The following THSD4 variants were observed in gnomAD, a reference collection of about 807,000 sequenced individuals.
The protein encoded by THSD4 is thrombospondin type-1 domain-containing protein 4.
THSD4 carries 69 observed loss-of-function variants against 119.0 expected under a neutral mutation model. The observed-to-expected ratio is 0.58, with a 90% confidence interval of 0.48 to 0.71. The LOEUF (loss-of-function observed/expected upper bound fraction) is 0.71, where lower values mean the gene tolerates loss of function less well. Ranked by LOEUF, THSD4 falls within the 30% of genes least tolerant of loss-of-function variation. The pLI is 0.00. For synonymous variants in THSD4, 524 were observed against 540.4 expected, an observed-to-expected ratio of 0.97 and a Z score of 0.42; for missense variants, 1,393 against 1,391.1, an observed-to-expected ratio of 1.00 and a Z score of -0.02.
At chr15:71,361,825 C>T (rs2045895117) in intron 6 of THSD4, among the ~76,000 whole-genome samples, 1 of 152,164 alleles carries the variant, frequency 6.6e-6, no homozygotes, top group Admixed American at 6.5e-5. Flanking sequence ...GAAAATGAGA[C>T]TTTGTGTATG....
At chr15:71,316,448 G>A (rs1364057566) in intron 6 of THSD4, among the ~76,000 whole-genome samples, 1 of 152,156 alleles carries the variant, frequency 6.6e-6, no homozygotes, top group East Asian at 1.9e-4. Flanking sequence ...ATGGTGACTG[G>A]CCCACTTTTG....
intron 7 of THSD4, among the ~76,000 whole-genome samples, chr15:71,566,028 G>A (rs192850650): frequency 1.3e-3 from 204 of 152,212 alleles, no homozygotes; most frequent in African/African-American, 4.7e-3. Context: ...CTGGCCCAAC[G>A]CTCCCTGATT....
At chr15:71,197,874 G>T (rs1788852531) in intron 3 of THSD4, among the ~76,000 whole-genome samples, 2 of 148,868 alleles carry the variant, frequency 1.3e-5, no homozygotes, top group Admixed American at 1.3e-4. Context: ...ATGTGTGTTT[G>T]GCACTCTTGG....
At chr15:71,738,429 C>G (rs896127718) in intron 11 of THSD4, among the ~76,000 whole-genome samples, 7 of 152,158 alleles carry the variant, frequency 4.6e-5, no homozygotes, top group African/African-American at 1.7e-4. Context: ...TATGAGATGG[C>G]TCATGGGTGT....
In THSD4 at chr15:71,336,718, T is replaced by C. The variant is rs186713068; in HGVS notation, c.1016-74969T>C. 3.3e-5 allele frequency among the ~76,000 whole-genome samples: 5 copies of C among 152,352 alleles called. No homozygotes were observed. The East Asian group carries it at 9.6e-4, about 29-fold the overall frequency. On this transcript the variant is annotated intron_variant, in intron 6 of 17. Transcript: ENST00000261862. ...AGTATCATTTTAATTTACAACTTAT[T>C]TTCCCTTATTTGGCAATTTGGATAC...
chr15:71,427,785 T>C (rs2046893105), intron 7 of THSD4, among the ~76,000 whole-genome samples: 1 of 151,858 alleles, frequency 6.6e-6, no homozygotes, highest in African/African-American at 2.4e-5. Context: ...CATTAAGTCA[T>C]TCCCCAGGCC....
chr15:71,673,455 AT>A (rs1237837168), intron 8 of THSD4, among the ~76,000 whole-genome samples: 2 of 152,000 alleles, frequency 1.3e-5, no homozygotes, highest in Non-Finnish European at 1.5e-5. Context: ...GGATTCATTG[AT>A]TTTTTTGAAG....
At position 71,421,862 on chromosome 15, in the gene THSD4, T is replaced by G. The variant is rs545719423; in HGVS notation, c.1152+10039T>G. Among the ~76,000 whole-genome samples the G allele has an allele frequency of 4.6e-5, 7 of 152,284 alleles. 1 individual carries two copies. The South Asian group carries it at 1.0e-3, about 23-fold the overall frequency. The stretch of plus-strand genomic sequence containing the variant: ...TAGGCATGCCTTATTCCTTTTTACT[T>G]TTTTTCTTTTGTCTCCTCTTGTGTA... On this transcript the variant is annotated intron_variant, in intron 7 of 17. Transcript: ENST00000261862.
intron 5 of THSD4, among the ~76,000 whole-genome samples, chr15:71,246,500 A>G (rs1363339471): frequency 6.6e-6 from 1 of 152,196 alleles, no homozygotes. Context: ...ATTTAGTTTC[A>G]GTGTGATCAC....
intron 9 of THSD4, chr15:71,730,300 C>T (rs1161520472): frequency 6.6e-6 from 1 of 152,168 alleles, no homozygotes; most frequent in African/African-American, 2.4e-5. Context: ...CCTTGCACGG[C>T]TCATATTTAC....
chr15:71,127,668 A>G (rs2040466881), intron 1 of THSD4, among the ~76,000 whole-genome samples: 1 of 152,218 alleles, frequency 6.6e-6, no homozygotes, highest in African/African-American at 2.4e-5. Flanking sequence ...AAGGTTAGCA[A>G]TGTTGAGGAT....
chr15:71,657,124 A>G (rs1203890494), intron 7 of THSD4, among the ~76,000 whole-genome samples: 1 of 152,156 alleles, frequency 6.6e-6, no homozygotes, highest in South Asian at 2.1e-4. Flanking sequence ...AGCGTTCCTC[A>G]TGGCCTGATA....
chr15:71,774,534 T>C (rs2053880045), intron 17 of THSD4, among the ~76,000 whole-genome samples: 1 of 152,178 alleles, frequency 6.6e-6, no homozygotes. Flanking sequence ...TATCAATATC[T>C]ATCAAGATAC....
At chr15:71,491,314 G>A (rs774692408) in intron 7 of THSD4, among the ~76,000 whole-genome samples, 76 of 152,138 alleles carry the variant, frequency 5.0e-4, no homozygotes, top group African/African-American at 1.5e-3. Context: ...GTTTTTCCCC[G>A]TTGTTACAGT....
chr15:71,776,117 A>G (rs1180582099), intron 17 of THSD4, among the ~76,000 whole-genome samples: 1 of 152,268 alleles, frequency 6.6e-6, no homozygotes, highest in Non-Finnish European at 1.5e-5. Flanking sequence ...AACATTTTAA[A>G]ACTTTTAGAA....
At chr15:71,683,375 C>T (rs1052563449) in intron 8 of THSD4, among the ~76,000 whole-genome samples, 4 of 152,134 alleles carry the variant, frequency 2.6e-5, no homozygotes, top group Non-Finnish European at 5.9e-5. Flanking sequence ...TGAGTCCTTA[C>T]TGTGTGCCGG....
chr15:71,595,756 C>G lies in THSD4; in HGVS notation c.1153-64774C>G, dbSNP rs114101527. Among the ~76,000 whole-genome samples, 1,190 of 152,272 alleles carry G rather than the reference C, an allele frequency of 7.8e-3. 17 individuals carry two copies. Among genetic ancestry groups the G allele is most frequent in the African/African-American group, 0.025 (1,047 of 41,544 alleles). On this transcript the variant is annotated intron_variant, in intron 7 of 17. Transcript: ENST00000261862. ...CAGAAGACTCCCCCAACTCCATCACCCCAAGATCTGCTAGTTCAACGCCCT... is the reference window on the plus strand; with the variant it reads ...CAGAAGACTCCCCCAACTCCATCACGCCAAGATCTGCTAGTTCAACGCCCT...
intron 7 of THSD4, among the ~76,000 whole-genome samples, chr15:71,512,514 C>T (rs1018830897): frequency 3.9e-5 from 6 of 152,158 alleles, no homozygotes; most frequent in African/African-American, 1.4e-4. Context: ...TATTTCTCCA[C>T]AAGAGCAAAA....
chr15:71,431,245 A>G (rs1235666254), intron 7 of THSD4, among the ~76,000 whole-genome samples: 3 of 152,296 alleles, frequency 2.0e-5, no homozygotes, highest in Middle Eastern at 6.8e-3. Flanking sequence ...GTTGATGCCC[A>G]TGTAATTCTT....
Sources: allele counts gnomAD v4.1 joint callset (sites outside exome capture counted in the v4.1 genomes callset), GRCh38; gene constraint gnomAD v4.1.1; transcripts MANE v1.5; gene names NCBI Gene and HGNC (gene_info 2026-07-23, HGNC 2026-07-21).